RFX7: variants seen among roughly 807,000 people sequenced by gnomAD.
RFX7 encodes DNA-binding protein RFX7.
A neutral mutation model predicts 111.8 loss-of-function variants in RFX7; 26 were observed. That is an observed-to-expected ratio of 0.23 (90% CI 0.17 to 0.32). The LOEUF (loss-of-function observed/expected upper bound fraction) is 0.32, where lower values mean the gene tolerates loss of function less well. Among genes scored for constraint, RFX7 ranks in the 10% least tolerant of loss-of-function variants. The pLI is 1.00. For synonymous variants in RFX7, 624 were observed against 624.4 expected, an observed-to-expected ratio of 1.00 and a Z score of 0.01; for missense variants, 1,573 against 1,772.9, an observed-to-expected ratio of 0.89 and a Z score of 2.02.
At chr15:56,112,749 T>C (rs2041956864) in intron 5 of RFX7, among the ~76,000 whole-genome samples, 1 of 152,098 alleles carries the variant, frequency 6.6e-6, no homozygotes, top group African/African-American at 2.4e-5. Context: ...ATTTTTGCAA[T>C]TTACCTATGG....
chr15:56,162,230 T>C (rs1567033118), intron 3 of RFX7, among the ~76,000 whole-genome samples: 1 of 152,086 alleles, frequency 6.6e-6, no homozygotes. Context: ...AGTTACAGCC[T>C]TAACAAACAG....
At position 56,093,548 on chromosome 15, in the gene RFX7, T is replaced by C; in HGVS notation, c.4180A>G (p.Ile1394Val). The change falls in exon 10 of 10, where the codon ATC (isoleucine) becomes GTC (valine). Residue 1394 changes from isoleucine to valine, a missense_variant. By Grantham distance (29) the Ile-to-Val change is conservative. Coordinates refer to ENST00000559447, the MANE Select transcript of RFX7 (RefSeq NM_022841.7). ...GGGTCTAAAGTGTTCAAATCATTGATGCTGCCTGAGAGCTCAGAAGACAAC... is the reference window on the plus strand; with the variant it reads ...GGGTCTAAAGTGTTCAAATCATTGACGCTGCCTGAGAGCTCAGAAGACAAC... ...IRLSSELSGS[I>V]NDLNTLDPNL... The C allele has an allele frequency of 1.2e-6, 2 of 1,613,892 alleles. No homozygotes were observed. The highest frequency in any genetic ancestry group is 1.7e-6 in the Non-Finnish European group (2 of 1,179,814).
At chr15:56,225,656 T>C (rs1214104560) in intron 2 of RFX7, among the ~76,000 whole-genome samples, 2 of 152,194 alleles carry the variant, frequency 1.3e-5, no homozygotes, top group African/African-American at 4.8e-5. Context: ...AATTCCTCTC[T>C]GCCTTCAACA....
At chr15:56,240,101 GTTTTC>G (rs1454166169) in intron 2 of RFX7, among the ~76,000 whole-genome samples, 2 of 101,004 alleles carry the variant, frequency 2.0e-5, no homozygotes, top group Non-Finnish European at 4.7e-5. Context: ...TGGGTTACTA[GTTTTC>G]TTTTTTTTTT....
intron 5 of RFX7, among the ~76,000 whole-genome samples, chr15:56,106,700 T>C (rs2041834655): frequency 1.3e-5 from 2 of 152,200 alleles, no homozygotes; most frequent in African/African-American, 2.4e-5. Context: ...AGAATTTCAA[T>C]AGGACACCTT....
chr15:56,136,606 A>C (rs1162829759), intron 5 of RFX7, among the ~76,000 whole-genome samples: 2 of 151,540 alleles, frequency 1.3e-5, no homozygotes, highest in African/African-American at 4.9e-5. Flanking sequence ...AATACCCTTT[A>C]TTTCCTTCTC....
At chr15:56,107,252 G>A (rs1465424764) in intron 5 of RFX7, among the ~76,000 whole-genome samples, 6 of 120,170 alleles carry the variant, frequency 5.0e-5, no homozygotes, top group African/African-American at 9.6e-5. Context: ...GGCCGAGATC[G>A]CGCCACTGCA....
At chr15:56,154,803 G>C (rs561051142) in intron 3 of RFX7, among the ~76,000 whole-genome samples, 1 of 152,168 alleles carries the variant, frequency 6.6e-6, no homozygotes, top group Non-Finnish European at 1.5e-5. Context: ...AAACTAAAGA[G>C]CTTCTGCACA....
intron 5 of RFX7, among the ~76,000 whole-genome samples, chr15:56,134,406 T>C (rs908335287): frequency 6.6e-6 from 1 of 152,142 alleles, no homozygotes; most frequent in South Asian, 2.1e-4. Flanking sequence ...TGAAATATTC[T>C]TAGTGAAATT....
chr15:56,110,366 A>G (rs1197238668), intron 5 of RFX7, among the ~76,000 whole-genome samples: 9 of 41,896 alleles, frequency 2.1e-4, no homozygotes, highest in Admixed American at 3.2e-4. Flanking sequence ...TCCGGGAGGG[A>G]GGTGGGGGGG....
intron 3 of RFX7, among the ~76,000 whole-genome samples, chr15:56,174,768 A>T (rs1284539023): frequency 6.6e-6 from 1 of 152,176 alleles, no homozygotes; most frequent in Non-Finnish European, 1.5e-5. Context: ...AAAATCAGCA[A>T]GTAACTATGA....
chr15:56,196,430 C>T (rs541139922), intron 2 of RFX7, among the ~76,000 whole-genome samples: 3 of 152,000 alleles, frequency 2.0e-5, no homozygotes, highest in East Asian at 1.9e-4. Context: ...TGAAGTTCTG[C>T]GGCATGTATC....
intron 2 of RFX7, among the ~76,000 whole-genome samples, chr15:56,213,920 C>T (rs1407197891): frequency 6.6e-6 from 1 of 152,152 alleles, no homozygotes; most frequent in East Asian, 1.9e-4. Flanking sequence ...TTGTCACCTA[C>T]AATTGATTGT....
chr15:56,153,428 T>G (rs535802686), intron 3 of RFX7, among the ~76,000 whole-genome samples: 1 of 152,266 alleles, frequency 6.6e-6, no homozygotes, highest in East Asian at 1.9e-4. Context: ...ATATACATAA[T>G]CCATTCACAT....
At chr15:56,204,137 C>T (rs2141187202) in intron 2 of RFX7, among the ~76,000 whole-genome samples, 1 of 151,196 alleles carries the variant, frequency 6.6e-6, no homozygotes, top group East Asian at 2.0e-4. Context: ...TCTCCTGCCT[C>T]AGCCTCCGAG....
intron 3 of RFX7, among the ~76,000 whole-genome samples, chr15:56,164,861 C>A (rs2042764796): frequency 6.6e-6 from 1 of 152,136 alleles, no homozygotes; most frequent in Admixed American, 6.6e-5. Context: ...TAATTTTGAT[C>A]ATTTGCCTCA....
intron 2 of RFX7, among the ~76,000 whole-genome samples, chr15:56,193,417 C>A (rs1170259764): frequency 1.3e-5 from 2 of 152,152 alleles, no homozygotes; most frequent in African/African-American, 2.4e-5. Context: ...GTTCAAATGA[C>A]AATGTATGCT....
chr15:56,174,679 A>G (rs2042883888), intron 3 of RFX7, among the ~76,000 whole-genome samples: 1 of 152,086 alleles, frequency 6.6e-6, no homozygotes, highest in Non-Finnish European at 1.5e-5. Context: ...CCTGGGAGAC[A>G]GAAGTTGCAG....
intron 5 of RFX7, among the ~76,000 whole-genome samples, chr15:56,135,676 A>G (rs1412752454): frequency 6.6e-6 from 1 of 152,112 alleles, no homozygotes; most frequent in South Asian, 2.1e-4. Context: ...TGTTTTAGAC[A>G]TGAAGTCCTT....
Sources: allele counts gnomAD v4.1 joint callset (sites outside exome capture counted in the v4.1 genomes callset), GRCh38; gene constraint gnomAD v4.1.1; transcripts MANE v1.5; gene names NCBI Gene and HGNC (gene_info 2026-07-23, HGNC 2026-07-21).